The following CFAP57 variants were observed in gnomAD, a reference collection of about 807,000 sequenced individuals.
CFAP57 encodes cilia and flagella associated protein 57, also known as cilia- and flagella-associated protein 57.
CFAP57 carries 116 observed loss-of-function variants against 146.8 expected under a neutral mutation model. That is an observed-to-expected ratio of 0.79 (90% confidence interval 0.68 to 0.92). The LOEUF (loss-of-function observed/expected upper bound fraction) is 0.92. Among genes scored for constraint, CFAP57 ranks in the 40% least tolerant of loss-of-function variants. The pLI is 0.00. For synonymous variants in CFAP57, 518 were observed against 552.8 expected (o/e 0.94, Z 0.88); for missense variants, 1,377 against 1,527.2 (o/e 0.90, Z 1.64).
intron 21 of CFAP57, among the ~76,000 whole-genome samples, chr1:43,240,640 C>T (rs866497331): frequency 2.6e-5 from 4 of 152,076 alleles, no homozygotes; most frequent in Non-Finnish European, 4.4e-5. Context: ...GCATTTCATC[C>T]GAGACAGAGA....
At chr1:43,208,649 TG>T (rs1029860910) in intron 10 of CFAP57, among the ~76,000 whole-genome samples, 12 of 152,032 alleles carry the variant, frequency 7.9e-5, no homozygotes, top group Non-Finnish European at 4.4e-5. Context: ...TGTCGTGGGA[TG>T]GGGGGAACAG....
intron 18 of CFAP57, among the ~76,000 whole-genome samples, chr1:43,231,699 CAAAAAAAAA>C (rs10588937): frequency 2.4e-5 from 2 of 83,572 alleles, no homozygotes; most frequent in Non-Finnish European, 3.2e-5. Context: ...CCTAAAAATA[CAAAAAAAAA>C]AAAAAAAAAA....
rs1645369546 is a variant in CFAP57 at position 43,229,109 on chromosome 1, A to G, written c.3009+1983A>G. 1.3e-5 allele frequency among the ~76,000 whole-genome samples: 2 copies of G among 149,022 alleles called. 1 individual carries two copies. The highest frequency in any genetic ancestry group is 4.4e-4 in the South Asian group (2 of 4,562). ...AGCAGCCTGAGAAGATGAGAGGAAG[A>G]GCAGAGGCCCCACCCACCTGGAGGG... is the stretch of plus-strand genomic sequence containing the variant. On this transcript the variant is annotated intron_variant, in intron 18 of 22. Transcript: ENST00000372492.
intron 4 of CFAP57, among the ~76,000 whole-genome samples, chr1:43,184,308 A>G (rs1478363404): frequency 6.6e-6 from 1 of 152,208 alleles, no homozygotes; most frequent in Non-Finnish European, 1.5e-5. Flanking sequence ...GAAATGTTTT[A>G]GGTAAATCTG....
At chr1:43,210,204 G>A (rs568999610) in intron 11 of CFAP57, 86 of 1,523,924 alleles carry the variant, frequency 5.6e-5, no homozygotes, top group African/African-American at 1.9e-4. Context: ...CGTAGCTGCC[G>A]TGAGTGTGGG....
Position 43,198,546 on chromosome 1 carries a change from A to G in CFAP57, c.1328A>G (p.His443Arg). The change falls in exon 8 of 23, where the codon CAC becomes CGC. Residue 443 changes from histidine (H) to arginine (R), a missense_variant. By Grantham distance (29) the His-to-Arg change is conservative. Coordinates refer to ENST00000372492, the MANE Select transcript of CFAP57 (RefSeq NM_001378189.1). ...TCCATCAGCCTTCATCCATCTGGAC[A>G]CTTCATTGTAGTAGGGTTTGCTGAC... ...AYSISLHPSGHFIVVGFADKL... is the reference protein window; with the variant it reads ...AYSISLHPSGRFIVVGFADKL... 1 of 1,614,122 alleles carries G rather than the reference A, an allele frequency of 6.2e-7. No individual in the cohort carries two copies. The highest frequency in any genetic ancestry group is 8.5e-7 in the Non-Finnish European group (1 of 1,180,006).
At chr1:43,199,727 G>T (rs1246610312) in intron 9 of CFAP57, among the ~76,000 whole-genome samples, 4 of 152,142 alleles carry the variant, frequency 2.6e-5, no homozygotes, top group Non-Finnish European at 4.4e-5. Context: ...TAATGAAGGG[G>T]GCGGCATAAT....
chr1:43,248,625 A>G (rs1038311199), intron 22 of CFAP57, among the ~76,000 whole-genome samples: 2 of 151,958 alleles, frequency 1.3e-5, no homozygotes, highest in African/African-American at 4.8e-5. Flanking sequence ...CGGCCATAAA[A>G]AAATTTTCAT....
At chr1:43,193,009 TC>T (rs1456167709) in intron 6 of CFAP57, among the ~76,000 whole-genome samples, 1 of 152,228 alleles carries the variant, frequency 6.6e-6, no homozygotes, top group Non-Finnish European at 1.5e-5. Context: ...TCCCCTTCAT[TC>T]TTGACAATTT....
rs1400425344 is a variant in CFAP57 at position 43,206,896 on chromosome 1, A to G, written c.1719A>G (p.Gly573=). ...ATGCCAAAATTATCTTTGCTGTTGG[A>G]TCAGACCACACCCTCAAGGAGATTG... ...SPDAKIIFAV[G]SDHTLKEIAD... is the part of the protein sequence containing the mutation. The change falls in exon 10 of 23, where the codon GGA becomes GGG. Residue 573 remains glycine (G), a synonymous_variant. Transcript: ENST00000372492. The G allele has an allele frequency of 1.2e-6, 2 of 1,614,106 alleles. No individual in the cohort carries two copies. The highest frequency in any genetic ancestry group is 1.7e-5 in the Admixed American group (1 of 60,032).
At chr1:43,209,948 C>T (rs1356264468) in intron 11 of CFAP57, 32 bp downstream of exon 11, 5 of 1,613,924 alleles carry the variant, frequency 3.1e-6, no homozygotes, top group Non-Finnish European at 3.4e-6. Flanking sequence ...GGAACCCAGT[C>T]CCACACCTGC....
chr1:43,231,708 A>G (rs1183953350), intron 18 of CFAP57, among the ~76,000 whole-genome samples: 2 of 148,690 alleles, frequency 1.3e-5, no homozygotes, highest in East Asian at 3.9e-4. Context: ...ACAAAAAAAA[A>G]AAAAAAAAAA....
rs1471150455 is a variant in CFAP57 at position 43,197,636 on chromosome 1, C to T, written c.1206C>T (p.Pro402=). The T allele has an allele frequency of 6.2e-7, 1 of 1,614,130 alleles. No homozygotes were observed. Among genetic ancestry groups the T allele is most frequent in the South Asian group, 1.1e-5 (1 of 91,076 alleles). The part of the protein sequence containing the change: ...ITGLATCIRK[P]LIATCSLDRS... ...GTCTAGCTACCTGCATCCGCAAACC[C>T]CTTATAGCCACCTGTTCTCTGGATC... Residue 402 remains proline (P), a synonymous_variant, in exon 7 of 23, where the codon CCC becomes CCT. Coordinates refer to ENST00000372492, the MANE Select transcript of CFAP57 (RefSeq NM_001378189.1).
rs904135016 is a variant in CFAP57, at chr1:43,238,166, A to C, written c.3405+3528A>C. 1.3e-5 allele frequency among the ~76,000 whole-genome samples: 2 copies of C among 152,196 alleles called. No individual in the cohort carries two copies. The highest frequency in any genetic ancestry group is 4.1e-4 in the South Asian group (2 of 4,826). ...AGCCCACTGACTGTGGGTTCCAGAA[A>C]GATGTCACTGATGCAAGGATTCCAA... On this transcript the variant is annotated intron_variant, in intron 21 of 22. Coordinates refer to ENST00000372492, the MANE Select transcript of CFAP57 (RefSeq NM_001378189.1). This position sits in a 1 kb window ranked among gnomAD's most constrained non-coding sequence, Gnocchi z 4.3.
At chr1:43,240,097 A>G (rs1317896139) in intron 21 of CFAP57, among the ~76,000 whole-genome samples, 1 of 152,252 alleles carries the variant, frequency 6.6e-6, no homozygotes. Flanking sequence ...GCATCTGGAA[A>G]GGAAATGCGG....
chr1:43,195,896 A>G lies in CFAP57; in HGVS notation c.1123-1657A>G, dbSNP rs151094892. 1.8e-3 allele frequency among the ~76,000 whole-genome samples: 274 copies of G among 152,366 alleles called. 3 individuals are homozygous for G. The highest frequency in any genetic ancestry group is 0.017 in the Admixed American group (260 of 15,302). ...GAGAAAGAAAGGAGCGAAATAAAAT[A>G]AAATTTGTCTTATATGAATTTATGA... On this transcript the variant is annotated intron_variant, in intron 6 of 22. Transcript: ENST00000372492.
At chr1:43,226,680 G>A (rs926466668) in intron 17 of CFAP57, among the ~76,000 whole-genome samples, 1 of 152,236 alleles carries the variant, frequency 6.6e-6, no homozygotes, top group Non-Finnish European at 1.5e-5. Flanking sequence ...AGGTCACGCT[G>A]TAGAACAGCT....
chr1:43,221,964 TAGGC>T (rs1360789965), intron 14 of CFAP57, 137 bp from the exon 15 acceptor site: 1 of 643,804 alleles, frequency 1.6e-6, no homozygotes, highest in East Asian at 3.2e-5. Context: ...GCAAGGAAGC[TAGGC>T]AGGCATTTGA....
chr1:43,228,161 C>G (rs1281403526), intron 18 of CFAP57, among the ~76,000 whole-genome samples: 1 of 152,186 alleles, frequency 6.6e-6, no homozygotes, highest in African/African-American at 2.4e-5. Context: ...CAAGGTCCTG[C>G]GTGATCCAGC....
Sources: gnomAD v4.1 joint callset for allele counts (sites outside exome capture counted in the v4.1 genomes callset) on GRCh38, gnomAD v4.1.1 for gene constraint, Gnocchi (gnomAD v3.1) non-coding constraint, MANE v1.5 for transcripts, NCBI Gene and HGNC (gene_info 2026-07-23, HGNC 2026-07-21) for gene names.